TRAF3: variants seen among roughly 807,000 people sequenced by gnomAD.
The protein encoded by TRAF3 is TNF receptor-associated factor 3.
Under a neutral mutation model 62.3 loss-of-function variants are expected in TRAF3, and 13 were observed. The ratio of observed to expected loss-of-function variants is 0.21; its 90% CI spans 0.14 to 0.33. The LOEUF is 0.33. TRAF3 is among the 10% of genes least tolerant of loss of function. The pLI is 1.00. For missense variants in TRAF3, 440 were observed against 741.8 expected (o/e 0.59, Z 4.73); for synonymous variants, 269 against 283.4 (o/e 0.95, Z 0.51).
intron 2 of TRAF3, among the ~76,000 whole-genome samples, chr14:102,858,825 T>C (rs368894938): frequency 2.0e-5 from 3 of 152,242 alleles, no homozygotes. Context: ...GTATGATTTT[T>C]ATACCAAATA....
chr14:102,895,140 C>T (rs1889934465), intron 9 of TRAF3: 1 of 455,634 alleles, frequency 2.2e-6, no homozygotes, highest in Non-Finnish European at 4.4e-6. Context: ...TGAATTGTTA[C>T]TTTCAGAGGG....
Position 102,853,139 on chromosome 14 carries a change from C to T in TRAF3, c.-17-17046C>T, listed in dbSNP as rs1198509057. On this transcript the variant is annotated intron_variant, in intron 2 of 11. Transcript: ENST00000392745. The stretch of plus-strand genomic sequence containing the variant: ...CTGGTCTTGAACTCCTGACCTCAGA[C>T]GATCCTCCTGCCTTGCCTCCTAAAG... Among the ~76,000 whole-genome samples, 11 of 152,110 alleles carry T rather than the reference C, an allele frequency of 7.2e-5. 1 individual carries two copies. Among genetic ancestry groups the T allele is most frequent in the East Asian group, 1.9e-4 (1 of 5,170 alleles).
At chr14:102,799,123 G>A (rs1258154517) in intron 1 of TRAF3, among the ~76,000 whole-genome samples, 1 of 152,170 alleles carries the variant, frequency 6.6e-6, no homozygotes, top group African/African-American at 2.4e-5. Context: ...GTGAGAAGCA[G>A]TGGCTGATTT....
intron 6 of TRAF3, among the ~76,000 whole-genome samples, chr14:102,884,908 T>A (rs981157657): frequency 2.0e-5 from 3 of 152,170 alleles, no homozygotes; most frequent in Non-Finnish European, 2.9e-5. Flanking sequence ...CCTATCAGAT[T>A]GCCAAAGATT....
At chr14:102,788,578 T>C (rs1595281978) in intron 1 of TRAF3, among the ~76,000 whole-genome samples, 1 of 152,012 alleles carries the variant, frequency 6.6e-6, no homozygotes, top group African/African-American at 2.4e-5. Context: ...GGCGGGCGGA[T>C]CATGAGGTCA....
chr14:102,910,604 A>C lies in TRAF3; in HGVS notation c.*4820A>C, dbSNP rs1890817274. 1 of 152,358 alleles carries C rather than the reference A, an allele frequency of 6.6e-6. No homozygotes were observed. The highest frequency in any genetic ancestry group is 6.5e-5 in the Admixed American group (1 of 15,294). The allele number at this position is 152,358 out of a possible 1,614,324, so 9.4% of individuals were successfully genotyped here. A position where few individuals can be genotyped will look rare whatever the true frequency, so the allele number is the denominator to read the frequency against. On this transcript the variant is annotated 3_prime_UTR_variant, in exon 12 of 12. Transcript: ENST00000392745. ...TGAGGCGGGGCCAGCAGCTCACTGC[A>C]AGGGCATTTTCCACCTGATCCTGGT...
rs1327899993 is a variant in TRAF3, at chr14:102,906,529, A to G, written c.*745A>G. 6.6e-6 allele frequency: 1 copy of G among 152,262 alleles called. No homozygotes were observed. 9.4% of individuals were successfully genotyped at this position (152,262 alleles called of 1,614,324 possible). On this transcript the variant is annotated 3_prime_UTR_variant, in exon 12 of 12. Transcript: ENST00000392745. ...GAAAGAGAATATTCAACCTGTTGTT[A>G]TTTCTCGTTAGAAATGTAAACCTTC... is the stretch of plus-strand genomic sequence containing the variant.
At chr14:102,839,210 C>CTTTTTTTTTTTTTTT (rs56998347) in intron 2 of TRAF3, among the ~76,000 whole-genome samples, 5 of 89,834 alleles carry the variant, frequency 5.6e-5, no homozygotes, top group African/African-American at 2.2e-4. Flanking sequence ...GTTGATTTGC[C>CTTTTTTTTTTTTTTT]TTTTTTTTTT....
intron 2 of TRAF3, among the ~76,000 whole-genome samples, chr14:102,845,177 T>C (rs1481112697): frequency 1.3e-5 from 2 of 151,092 alleles, no homozygotes; most frequent in African/African-American, 4.9e-5. Context: ...ATTACAGGCG[T>C]GAGCCACCAT....
chr14:102,851,731 A>C (rs543647370), intron 2 of TRAF3, among the ~76,000 whole-genome samples: 1 of 151,280 alleles, frequency 6.6e-6, no homozygotes, highest in East Asian at 2.0e-4. Flanking sequence ...GCGACAGAGC[A>C]AGACTCTGCC....
At chr14:102,896,320 T>C (rs1890006812) in intron 9 of TRAF3, among the ~76,000 whole-genome samples, 1 of 152,082 alleles carries the variant, frequency 6.6e-6, no homozygotes, top group Non-Finnish European at 1.5e-5. Flanking sequence ...ACTACCCACC[T>C]CCACCAGCCC....
intron 1 of TRAF3, among the ~76,000 whole-genome samples, chr14:102,822,704 G>A (rs1260919975): frequency 2.0e-5 from 3 of 152,102 alleles, no homozygotes; most frequent in South Asian, 4.1e-4. Flanking sequence ...CTCTTCCTGC[G>A]GAAAACAGAA....
chr14:102,813,534 T>C (rs1401933920), intron 1 of TRAF3, among the ~76,000 whole-genome samples: 2 of 150,488 alleles, frequency 1.3e-5, no homozygotes, highest in Non-Finnish European at 3.0e-5. Flanking sequence ...CACTGCAACC[T>C]CCACCTCCAA....
rs1229400107 is a variant in TRAF3, at chr14:102,911,019, G to T, written c.*5235G>T. On this transcript the variant is annotated 3_prime_UTR_variant, in exon 12 of 12. Coordinates refer to ENST00000392745, the MANE Select transcript of TRAF3 (RefSeq NM_145725.3). The stretch of plus-strand genomic sequence containing the variant: ...GACGCTGCACAGCATCTGCAGATTC[G>T]CAGCCTCTTCTCTGCCGGTGCCTCT... The T allele has an allele frequency of 6.6e-6, 1 of 152,240 alleles. No individual in the cohort carries two copies. Among genetic ancestry groups the T allele is most frequent in the African/African-American group, 2.4e-5 (1 of 41,468 alleles). The allele number at this position is 152,240 out of a possible 1,614,324, so 9.4% of individuals were successfully genotyped here. A position where few individuals can be genotyped will look rare whatever the true frequency, so the allele number is the denominator to read the frequency against.
chr14:102,803,965 A>G (rs555840754), intron 1 of TRAF3, among the ~76,000 whole-genome samples: 1 of 152,290 alleles, frequency 6.6e-6, no homozygotes, highest in South Asian at 2.1e-4. Context: ...TGAGAGGCTC[A>G]GGCCGGAGGG....
At chr14:102,848,981 TA>T (rs1886879303) in intron 2 of TRAF3, among the ~76,000 whole-genome samples, 1 of 152,126 alleles carries the variant, frequency 6.6e-6, no homozygotes, top group South Asian at 2.1e-4. Context: ...CTTTTTTATT[TA>T]AAAATCATGG....
In TRAF3 at chr14:102,909,334, G is replaced by A. The variant is rs1000491387; in HGVS notation, c.*3550G>A. Reference sequence around the variant, plus strand: ...GGACTTGCAGATGTGTGTTCCCTGTGCGGGTGGACAGAGGGGGCCCTTATG... The same window carrying A: ...GGACTTGCAGATGTGTGTTCCCTGTACGGGTGGACAGAGGGGGCCCTTATG... On this transcript the variant is annotated 3_prime_UTR_variant, in exon 12 of 12. Coordinates refer to ENST00000392745, the MANE Select transcript of TRAF3 (RefSeq NM_145725.3). 3 of 152,482 alleles carry A rather than the reference G, an allele frequency of 2.0e-5. No homozygotes were observed. Among genetic ancestry groups the A allele is most frequent in the Admixed American group, 1.3e-4 (2 of 15,308 alleles). The allele number at this position is 152,482 out of a possible 1,614,324, so 9.4% of individuals were successfully genotyped here.
chr14:102,870,631 C>T (rs1888286679), intron 3 of TRAF3, among the ~76,000 whole-genome samples, 185 bp downstream of exon 3: 1 of 152,202 alleles, frequency 6.6e-6, no homozygotes, highest in South Asian at 2.1e-4. Flanking sequence ...TGTGGGTTTA[C>T]TGAGGCCTCT....
At chr14:102,865,078 G>T (rs1382250328) in intron 2 of TRAF3, among the ~76,000 whole-genome samples, 2 of 152,118 alleles carry the variant, frequency 1.3e-5, no homozygotes, top group Non-Finnish European at 2.9e-5. Flanking sequence ...GTGATCAGGG[G>T]ATTCTTACAC....
Sources: allele counts gnomAD v4.1 joint callset (sites outside exome capture counted in the v4.1 genomes callset), GRCh38; gene constraint gnomAD v4.1.1; transcripts MANE v1.5; gene names NCBI Gene and HGNC (gene_info 2026-07-23, HGNC 2026-07-21).